Variants in PARN observed in about 807,000 individuals in gnomAD.
PARN encodes poly(A)-specific ribonuclease.
Under a neutral mutation model 102.8 loss-of-function variants are expected in PARN, and 71 were observed. That is an observed-to-expected ratio of 0.69 (90% CI 0.57 to 0.84). The LOEUF is 0.84. PARN is among the 40% of genes least tolerant of loss of function. PARN has a pLI of 0.00. For synonymous variants in PARN, 261 were observed against 252.9 expected (o/e 1.03, Z -0.30); for missense variants, 782 against 760.9 (o/e 1.03, Z -0.33).
intron 21 of PARN, among the ~76,000 whole-genome samples, chr16:14,505,949 TACTC>T (rs1186243957): frequency 6.6e-6 from 1 of 152,228 alleles, no homozygotes; most frequent in Non-Finnish European, 1.5e-5. Flanking sequence ...CTCAAAGTAT[TACTC>T]ACAGAGTACT....
At chr16:14,511,655 T>C (rs1368906587) in intron 21 of PARN, among the ~76,000 whole-genome samples, 1 of 152,166 alleles carries the variant, frequency 6.6e-6, no homozygotes, top group African/African-American at 2.4e-5. Flanking sequence ...GATCCATGTA[T>C]ACCCGAAAGG....
chr16:14,563,911 C>G (rs1259804136), intron 18 of PARN, among the ~76,000 whole-genome samples: 1 of 152,062 alleles, frequency 6.6e-6, no homozygotes, highest in Non-Finnish European at 1.5e-5. Flanking sequence ...ACAAAAATTC[C>G]TAACTAAAGT....
chr16:14,604,320 G>A, intron 10 of PARN, 94 bp from the exon 11 acceptor site: 1 of 754,818 alleles, frequency 1.3e-6, no homozygotes, highest in Non-Finnish European at 2.2e-6. Flanking sequence ...GAGTGCAATT[G>A]CATGATCTCA....
chr16:14,536,857 T>C (rs1966631488), intron 21 of PARN, among the ~76,000 whole-genome samples: 1 of 152,126 alleles, frequency 6.6e-6, no homozygotes, highest in Non-Finnish European at 1.5e-5. Flanking sequence ...AAGAAAACAT[T>C]AGACAAATGC....
At chr16:14,578,734 G>A (rs529138721) in intron 18 of PARN, 7 of 151,952 alleles carry the variant, frequency 4.6e-5, no homozygotes, top group Admixed American at 2.6e-4. Flanking sequence ...CTTTAATGAT[G>A]AAGAAAATAT....
chr16:14,494,639 G>T (rs965185150), intron 21 of PARN, among the ~76,000 whole-genome samples: 1 of 152,212 alleles, frequency 6.6e-6, no homozygotes, highest in African/African-American at 2.4e-5. Flanking sequence ...GAGAAGGGCC[G>T]GCGGTGCAGC....
At chr16:14,480,283 G>A (rs1963308655) in intron 22 of PARN, among the ~76,000 whole-genome samples, 1 of 152,178 alleles carries the variant, frequency 6.6e-6, no homozygotes, top group African/African-American at 2.4e-5. Context: ...AGCTGAGATT[G>A]CACCACTGTA....
At position 14,628,279 on chromosome 16, in the gene PARN, G is replaced by C. The variant is rs776312184; in HGVS notation, c.98-28C>G. 2.4e-5 allele frequency: 32 copies of C among 1,334,140 alleles called. 1 individual carries two copies. The South Asian group carries it at 3.5e-4, about 15-fold the overall frequency. 82.6% of individuals were successfully genotyped at this position (1,334,140 alleles called of 1,614,324 possible). On this transcript the variant is annotated intron_variant, in intron 2 of 23. Transcript: ENST00000437198. ...AGATTTTAAGAAATAAAAATTTTTA[G>C]CTTACTAATAAATACTAACGTAAAA...
chr16:14,549,570 G>A (rs1314312287), intron 21 of PARN, among the ~76,000 whole-genome samples: 3 of 152,202 alleles, frequency 2.0e-5, no homozygotes. Flanking sequence ...TAGTAAAGAA[G>A]AGAGCAACTG....
intron 18 of PARN, among the ~76,000 whole-genome samples, chr16:14,567,624 A>G (rs1203817158): frequency 6.6e-6 from 1 of 152,212 alleles, no homozygotes; most frequent in Admixed American, 6.5e-5. Context: ...AAGCCAGCCA[A>G]TAAGAAAGAA....
chr16:14,452,981 C>CGT (rs1265152158), intron 22 of PARN, among the ~76,000 whole-genome samples: 2 of 152,072 alleles, frequency 1.3e-5, no homozygotes, highest in African/African-American at 4.8e-5. Flanking sequence ...TATGTGCATG[C>CGT]GTGTGTGTAG....
chr16:14,513,855 T>C (rs994406888), intron 21 of PARN, among the ~76,000 whole-genome samples: 3 of 152,182 alleles, frequency 2.0e-5, no homozygotes, highest in African/African-American at 7.2e-5. Context: ...CTCAAAGCAC[T>C]TTCTACCCTT....
chr16:14,604,173 T>G lies in PARN; in HGVS notation c.756A>C (p.Arg252Ser). 1 of 1,602,948 alleles carries G rather than the reference T, an allele frequency of 6.2e-7. No individual in the cohort carries two copies. Among genetic ancestry groups the G allele is most frequent in the South Asian group, 1.1e-5 (1 of 89,342 alleles). ...GTTCTTTGGCATGTTTCTGCTGCTC[T>G]CTTCTTTTGCGTTCTTCTTCATCTA... ...SKVDEEERKRREQQKHAKEQE... is the reference protein window; with the variant it reads ...SKVDEEERKRSEQQKHAKEQE... The change falls in exon 11 of 24, where the codon AGA (arginine) becomes AGC (serine). Residue 252 changes from arginine to serine, a missense_variant. By Grantham distance (110) the Arg-to-Ser change is moderately radical (BLOSUM62 -1). Transcript: ENST00000437198.
rs140172025 is a variant in PARN at position 14,571,840 on chromosome 16, C to T, written c.1262+9034G>A. 1.1e-3 allele frequency among the ~76,000 whole-genome samples: 161 copies of T among 152,276 alleles called. 3 individuals carry two copies. The South Asian group carries it at 0.018, about 17-fold the overall frequency. On this transcript the variant is annotated intron_variant, in intron 18 of 23. Coordinates refer to ENST00000437198, the MANE Select transcript of PARN (RefSeq NM_002582.4). ...AGGGTGAGTAACTTGCCCAAGATCA[C>T]ACAGGTAATAAGGAGCAGAGCCGGG...
In PARN at chr16:14,575,163, A is replaced by C. The variant is rs142240338; in HGVS notation, c.1262+5711T>G. 6.0e-3 allele frequency among the ~76,000 whole-genome samples: 915 copies of C among 152,326 alleles called. 5 individuals are homozygous for C. The highest frequency in any genetic ancestry group is 0.024 in the Middle Eastern group (7 of 294). ...AGAACTTCTGCTAGGGCAGTGCAGA[A>C]GGGAAATGTGGGGTCAGAACCCCCA... is the stretch of plus-strand genomic sequence containing the variant. On this transcript the variant is annotated intron_variant, in intron 18 of 23. Transcript: ENST00000437198.
chr16:14,614,527 G>A (rs1410365683), intron 6 of PARN, among the ~76,000 whole-genome samples: 1 of 152,148 alleles, frequency 6.6e-6, no homozygotes, highest in East Asian at 1.9e-4. Flanking sequence ...CAGAGCTGGT[G>A]ACAGCCTGAA....
intron 18 of PARN, among the ~76,000 whole-genome samples, chr16:14,557,916 T>A (rs1967798864): frequency 6.6e-6 from 1 of 152,168 alleles, no homozygotes; most frequent in Non-Finnish European, 1.5e-5. Flanking sequence ...TTTTCCAGCA[T>A]AAACGATACA....
intron 5 of PARN, among the ~76,000 whole-genome samples, chr16:14,625,993 T>TA (rs1972629928): frequency 1.3e-5 from 2 of 152,200 alleles, no homozygotes; most frequent in South Asian, 4.1e-4. Context: ...AACAGTGATA[T>TA]TTACTGAGTG....
chr16:14,477,286 A>G (rs1489687523), intron 22 of PARN, among the ~76,000 whole-genome samples: 3 of 151,920 alleles, frequency 2.0e-5, no homozygotes, highest in African/African-American at 7.3e-5. Context: ...CTAAAAATGC[A>G]AAAATTTAGC....
Sources: gnomAD v4.1 joint callset for allele counts (sites outside exome capture counted in the v4.1 genomes callset) on GRCh38, gnomAD v4.1.1 for gene constraint, MANE v1.5 for transcripts, NCBI Gene and HGNC (gene_info 2026-07-23, HGNC 2026-07-21) for gene names.